The following TGS1 variants were observed in gnomAD, a reference collection of about 807,000 sequenced individuals.
TGS1 encodes trimethylguanosine synthase 1, also known as trimethylguanosine synthase.
Under a neutral mutation model 92.2 loss-of-function variants are expected in TGS1, and 69 were observed. The ratio of observed to expected loss-of-function variants is 0.75; its 90% CI spans 0.62 to 0.91. The LOEUF is 0.91. Among genes scored for constraint, TGS1 ranks in the 40% least tolerant of loss-of-function variants. The pLI, the probability that TGS1 is intolerant of heterozygous loss-of-function variation, is 0.00. For synonymous variants in TGS1, 345 were observed against 338.1 expected (o/e 1.02, Z -0.22); for missense variants, 1,062 against 1,001.2 (o/e 1.06, Z -0.82).
Position 55,790,225 on chromosome 8 carries a change from A to G in TGS1, c.1206A>G (p.Pro402=). Residue 402 remains proline, a synonymous_variant, in exon 5 of 13, where the codon CCA becomes CCG. Transcript: ENST00000260129. ...GAGCAAACACAAGCAAAGACAGACCACATGCCAGTGGTACTGATGGAGATG... is the reference window on the plus strand; with the variant it reads ...GAGCAAACACAAGCAAAGACAGACCGCATGCCAGTGGTACTGATGGAGATG... ...SSGANTSKDR[P]HASGTDGDES... 1 of 1,614,108 alleles carries G rather than the reference A, an allele frequency of 6.2e-7. No homozygotes were observed. The highest frequency in any genetic ancestry group is 1.1e-5 in the South Asian group (1 of 91,082).
In TGS1 at chr8:55,786,802, G is replaced by A; in HGVS notation, c.904G>A (p.Val302Ile). The A allele has an allele frequency of 6.2e-7, 1 of 1,614,084 alleles. No homozygotes were observed. Among genetic ancestry groups the A allele is most frequent in the Non-Finnish European group, 8.5e-7 (1 of 1,179,990 alleles). ...ATCTTTTCCATCTTCACCTATTATG[G>A]TTGATAATGATAGCTCTGGTACAAG... ...LVSFPSSPIM[V>I]DNDSSGTSDK... Residue 302 changes from valine (V) to isoleucine (I), a missense_variant, in exon 4 of 13, where the codon GTT becomes ATT. Physicochemically the swap from Val to Ile is conservative, Grantham distance 29 (BLOSUM62 3). Transcript: ENST00000260129.
At chr8:55,816,556 G>C (rs556053791) in intron 12 of TGS1, among the ~76,000 whole-genome samples, 1 of 152,334 alleles carries the variant, frequency 6.6e-6, no homozygotes, top group Non-Finnish European at 1.5e-5. Flanking sequence ...GATAAGTTAA[G>C]TTACTTATCT....
intron 12 of TGS1, among the ~76,000 whole-genome samples, chr8:55,822,388 T>G (rs1803670913): frequency 6.6e-6 from 1 of 152,094 alleles, no homozygotes; most frequent in Admixed American, 6.6e-5. Context: ...GCTTTTTAAA[T>G]TAATGCAGCA....
chr8:55,798,457 T>C (rs1812121479), intron 7 of TGS1, among the ~76,000 whole-genome samples: 1 of 152,204 alleles, frequency 6.6e-6, no homozygotes, highest in African/African-American at 2.4e-5. Context: ...CCCTAAATCT[T>C]TTTAGGGTTC....
At position 55,790,309 on chromosome 8, in the gene TGS1, A is replaced by C; in HGVS notation, c.1280+10A>C. The stretch of plus-strand genomic sequence containing the variant: ...GCAAACTGAAGAGGAGGTAAGTTAC[A>C]TGAGACCCCTCTCACCAGAGCGTGT... On this transcript the variant is annotated intron_variant, in intron 5 of 12. Transcript: ENST00000260129. The C allele has an allele frequency of 6.4e-7, 1 of 1,567,374 alleles. No homozygotes were observed. The highest frequency in any genetic ancestry group is 1.1e-5 in the South Asian group (1 of 90,122).
rs1811603282 is a variant in TGS1, at chr8:55,782,802, C to T, written c.156C>T (p.Gly52=). The change falls in exon 2 of 13, where the codon GGC becomes GGT. Residue 52 remains glycine (G), a synonymous_variant. Transcript: ENST00000260129. The part of the protein sequence containing the change: ...GLKGYYIRDS[G]NNSGDQATEE... ...AAGGCTATTACATCAGAGACAGTGG[C>T]AACAATTCAGGTAATATAGTATAAA... The T allele has an allele frequency of 6.2e-7, 1 of 1,607,742 alleles. No individual in the cohort carries two copies. Among genetic ancestry groups the T allele is most frequent in the Admixed American group, 1.7e-5 (1 of 59,238 alleles).
chr8:55,785,900 T>C lies in TGS1; in HGVS notation c.339+9T>C. The C allele has an allele frequency of 6.4e-7, 1 of 1,567,806 alleles. No individual in the cohort carries two copies. The highest frequency in any genetic ancestry group is 1.2e-5 in the South Asian group (1 of 85,138). On this transcript the variant is annotated intron_variant, in intron 3 of 12. Coordinates refer to ENST00000260129, the MANE Select transcript of TGS1 (RefSeq NM_024831.8). ...CACATAAGGATTTTGAGGTAAATAT[T>C]AATTTACTTTTATTATTTCTCTCTC... is the stretch of plus-strand genomic sequence containing the variant.
At chr8:55,822,849 T>C (rs1803687917) in intron 12 of TGS1, among the ~76,000 whole-genome samples, 1 of 152,200 alleles carries the variant, frequency 6.6e-6, no homozygotes, top group Non-Finnish European at 1.5e-5. Flanking sequence ...GCACAATAAA[T>C]CTTCCCTTCT....
intron 12 of TGS1, among the ~76,000 whole-genome samples, chr8:55,821,199 A>G (rs1291283566): frequency 2.6e-5 from 4 of 152,166 alleles, no homozygotes; most frequent in Non-Finnish European, 5.9e-5. Context: ...TTCTCACTAT[A>G]TTTTGTCACA....
At position 55,813,026 on chromosome 8, in the gene TGS1, T is replaced by C. The variant is rs371857302; in HGVS notation, c.2361-14T>C. On this transcript the variant is annotated splice_polypyrimidine_tract_variant and intron_variant, in intron 11 of 12. Transcript: ENST00000260129. ...AGCTGCTGTTTTCATTATTTTTCCT[T>C]AACTGCTGTCCACCTTTGAAATTTT... The C allele has an allele frequency of 3.5e-5, 55 of 1,571,660 alleles. No individual in the cohort carries two copies. Among genetic ancestry groups the C allele is most frequent in the Non-Finnish European group, 4.2e-5 (48 of 1,143,110 alleles).
intron 12 of TGS1, among the ~76,000 whole-genome samples, chr8:55,813,525 A>G (rs1015277268): frequency 1.3e-5 from 2 of 152,228 alleles, no homozygotes; most frequent in African/African-American, 4.8e-5. Flanking sequence ...AACACTTACT[A>G]CATATCTGCT....
At chr8:55,793,903 C>T (rs1258168477) in intron 6 of TGS1, among the ~76,000 whole-genome samples, 1 of 151,906 alleles carries the variant, frequency 6.6e-6, no homozygotes, top group African/African-American at 2.4e-5. Context: ...CAGGCGTGAG[C>T]CACCGCGCCT....
chr8:55,793,910 G>A (rs1330132632), intron 6 of TGS1, among the ~76,000 whole-genome samples: 3 of 151,718 alleles, frequency 2.0e-5, no homozygotes, highest in Non-Finnish European at 2.9e-5. Flanking sequence ...GAGCCACCGC[G>A]CCTCACCACG....
chr8:55,776,575 G>A (rs1811408813), intron 1 of TGS1, among the ~76,000 whole-genome samples: 1 of 152,176 alleles, frequency 6.6e-6, no homozygotes, highest in Non-Finnish European at 1.5e-5. Context: ...CACTGTGCCC[G>A]GCCCAGTGCC....
intron 8 of TGS1, among the ~76,000 whole-genome samples, chr8:55,801,677 C>T (rs1304771887): frequency 2.7e-5 from 4 of 149,688 alleles, no homozygotes; most frequent in African/African-American, 7.4e-5. Flanking sequence ...CAAGCTCCGC[C>T]TCCCGGGTTC....
At chr8:55,789,328 G>T (rs1270698952) in intron 4 of TGS1, among the ~76,000 whole-genome samples, 1 of 152,098 alleles carries the variant, frequency 6.6e-6, no homozygotes, top group South Asian at 2.1e-4. Flanking sequence ...AGATAGTATT[G>T]TCTTTGTTAC....
intron 12 of TGS1, among the ~76,000 whole-genome samples, chr8:55,817,866 A>G (rs1279015619): frequency 1.3e-5 from 2 of 152,182 alleles, no homozygotes; most frequent in Non-Finnish European, 1.5e-5. Context: ...TACTACACTA[A>G]CAATACCCTG....
At chr8:55,823,471 G>A (rs937430627) in intron 12 of TGS1, among the ~76,000 whole-genome samples, 2 of 152,080 alleles carry the variant, frequency 1.3e-5, no homozygotes, top group East Asian at 1.9e-4. Flanking sequence ...CTCATAAAGA[G>A]CAATATATTT....
rs1803773959 is a variant in TGS1, at chr8:55,825,622, A to AGT, written c.*920_*921insTG. Among the ~76,000 whole-genome samples, 1 of 152,190 alleles carries AGT rather than the reference A, an allele frequency of 6.6e-6. No homozygotes were observed. The highest frequency in any genetic ancestry group is 6.6e-5 in the Admixed American group (1 of 15,266). On this transcript the variant is annotated 3_prime_UTR_variant, in exon 13 of 13. Coordinates refer to ENST00000260129, the MANE Select transcript of TGS1 (RefSeq NM_024831.8). ...ACAGAACATGATACTGGCTGGGATA[A>AGT]GATTAGAGAATTGAAACAAATTTGG...
Sources: gnomAD v4.1 joint callset for allele counts (sites outside exome capture counted in the v4.1 genomes callset) on GRCh38, gnomAD v4.1.1 for gene constraint, MANE v1.5 for transcripts, NCBI Gene and HGNC (gene_info 2026-07-23, HGNC 2026-07-21) for gene names.